The following CRB1 variants were observed in gnomAD, a reference collection of about 807,000 sequenced individuals.
CRB1 encodes crumbs cell polarity complex component 1.
Under a neutral mutation model 120.0 loss-of-function variants are expected in CRB1, and 83 were observed. That is an observed-to-expected ratio of 0.69 (90% CI 0.58 to 0.83). The LOEUF is 0.83. Among genes scored for constraint, CRB1 ranks in the 40% least tolerant of loss-of-function variants. The probability of loss-of-function intolerance (pLI) is 0.00; values close to 1 mark genes in which losing one functional copy is unlikely to be tolerated. For missense variants in CRB1, 1,699 were observed against 1,687.6 expected (o/e 1.01, Z -0.12); for synonymous variants, 625 against 612.5 (o/e 1.02, Z -0.30).
the CRB1 span, among the ~76,000 whole-genome samples, chr1:197,232,568 A>G: frequency 6.6e-6 from 1 of 152,172 alleles, no homozygotes; most frequent in African/African-American, 2.4e-5. Flanking sequence ...CAGTCTATAC[A>G]ATGAAAAGAA....
intron 5 of CRB1, among the ~76,000 whole-genome samples, chr1:197,365,376 G>A (rs562641691): frequency 1.3e-5 from 2 of 152,128 alleles, no homozygotes; most frequent in African/African-American, 4.8e-5. Flanking sequence ...CCACTCACAG[G>A]GTATCTCTTG....
chr1:197,375,097 C>G (rs1278480311), intron 5 of CRB1, among the ~76,000 whole-genome samples: 1 of 152,158 alleles, frequency 6.6e-6, no homozygotes, highest in Non-Finnish European at 1.5e-5. Context: ...AAAGACATGT[C>G]TCTTTCAGGA....
intron 2 of CRB1, among the ~76,000 whole-genome samples, chr1:197,343,495 A>G (rs1301206273): frequency 6.6e-6 from 1 of 151,928 alleles, no homozygotes; most frequent in Admixed American, 6.6e-5. Context: ...TTTTTAACAT[A>G]ACATTACCTT....
chr1:197,478,340 A>G lies in CRB1; in HGVS notation c.*461A>G, dbSNP rs1571646939. Reference sequence around the variant, plus strand: ...ATCATGTGGTCAAAGTTATTGTTGTATACCAGCGATGGGATGTATACTTTT... The same window carrying G: ...ATCATGTGGTCAAAGTTATTGTTGTGTACCAGCGATGGGATGTATACTTTT... On this transcript the variant is annotated 3_prime_UTR_variant, in exon 12 of 12. Transcript: ENST00000367400. 4.5e-6 allele frequency: 1 copy of G among 221,020 alleles called. No homozygotes were observed. The highest frequency in any genetic ancestry group is 1.1e-4 in the East Asian group (1 of 8,880). The allele number at this position is 221,020 out of a possible 1,614,324, so 13.7% of individuals were successfully genotyped here.
At chr1:197,214,258 C>G in the CRB1 span, among the ~76,000 whole-genome samples, 5 of 152,094 alleles carry the variant, frequency 3.3e-5, no homozygotes, top group South Asian at 1.0e-3. Flanking sequence ...CTACAGTTGA[C>G]CCTTAAACAA....
chr1:197,251,263 C>A, the CRB1 span, among the ~76,000 whole-genome samples: 15 of 151,928 alleles, frequency 9.9e-5, no homozygotes, highest in Non-Finnish European at 1.8e-4. Flanking sequence ...ATATAAAATA[C>A]TTAAAGCAAT....
chr1:197,322,805 C>T (rs1361552338), intron 1 of CRB1, among the ~76,000 whole-genome samples: 2 of 152,128 alleles, frequency 1.3e-5, no homozygotes, highest in Non-Finnish European at 2.9e-5. Flanking sequence ...TTAGAAAATG[C>T]TGATCTAGAT....
the CRB1 span, among the ~76,000 whole-genome samples, chr1:197,243,436 C>A: frequency 6.6e-6 from 1 of 152,084 alleles, no homozygotes; most frequent in Non-Finnish European, 1.5e-5. Context: ...TCATTATTTA[C>A]CCAGTAGTCA....
intron 1 of CRB1, among the ~76,000 whole-genome samples, chr1:197,293,835 G>T (rs982504586): frequency 6.6e-6 from 1 of 152,130 alleles, no homozygotes; most frequent in Non-Finnish European, 1.5e-5. Flanking sequence ...TTTCACAAAT[G>T]GTGCTGGAAA....
At chr1:197,262,557 C>T in the CRB1 span, among the ~76,000 whole-genome samples, 1 of 151,700 alleles carries the variant, frequency 6.6e-6, no homozygotes, top group Non-Finnish European at 1.5e-5. Flanking sequence ...TTTTAGATAC[C>T]GGGGGTAGAT....
At chr1:197,277,255 C>G (rs1179393622) in intron 1 of CRB1, among the ~76,000 whole-genome samples, 1 of 151,960 alleles carries the variant, frequency 6.6e-6, no homozygotes, top group Non-Finnish European at 1.5e-5. Context: ...CCTAGATTAA[C>G]CGCATTGTGT....
At chr1:197,299,632 A>G (rs1016703577) in intron 1 of CRB1, among the ~76,000 whole-genome samples, 1 of 152,148 alleles carries the variant, frequency 6.6e-6, no homozygotes, top group African/African-American at 2.4e-5. Flanking sequence ...AAAGGAAAAA[A>G]AAAACTGTAG....
chr1:197,407,637 C>T (rs781645681), intron 5 of CRB1, among the ~76,000 whole-genome samples: 5 of 152,138 alleles, frequency 3.3e-5, no homozygotes, highest in Non-Finnish European at 5.9e-5. Flanking sequence ...AAAAATGCAG[C>T]TATCTGAGCC....
At chr1:197,401,615 A>G (rs1663067470) in intron 5 of CRB1, among the ~76,000 whole-genome samples, 1 of 152,154 alleles carries the variant, frequency 6.6e-6, no homozygotes, top group African/African-American at 2.4e-5. Flanking sequence ...CATACTTTCA[A>G]ATTGAACTGG....
chr1:197,444,895 C>G (rs1019743583), intron 11 of CRB1: 4 of 84,110 alleles, frequency 4.8e-5, no homozygotes, highest in African/African-American at 1.1e-4. Context: ...AAAATTTCCA[C>G]CAGCCATGCA....
intron 5 of CRB1, among the ~76,000 whole-genome samples, chr1:197,389,309 A>G (rs1378641352): frequency 6.6e-6 from 1 of 152,184 alleles, no homozygotes; most frequent in African/African-American, 2.4e-5. Flanking sequence ...TATATATGGT[A>G]TGAATACTAT....
chr1:197,388,000 C>CTATA (rs919936121), intron 5 of CRB1, among the ~76,000 whole-genome samples: 1 of 151,042 alleles, frequency 6.6e-6, no homozygotes, highest in African/African-American at 2.4e-5. Context: ...CTCTCTCTCT[C>CTATA]TATATATATA....
chr1:197,437,724 A>G (rs1665231167), intron 9 of CRB1, among the ~76,000 whole-genome samples: 2 of 152,158 alleles, frequency 1.3e-5, no homozygotes, highest in Admixed American at 1.3e-4. Flanking sequence ...GTCTATCCAC[A>G]TTAGCTGCAG....
rs780792667 is a variant in CRB1, at chr1:197,347,380, C to A, written c.889C>A (p.His297Asn). The A allele has an allele frequency of 1.2e-6, 2 of 1,613,954 alleles. No individual in the cohort carries two copies. The highest frequency in any genetic ancestry group is 2.2e-5 in the South Asian group (2 of 91,074). ...CACGGGTAGTGGATTCACAGGGACA[C>A]ACTGTGAGACCTTGATGCCTCTTTG... ...NCTGSGFTGT[H>N]CETLMPLCWS... Residue 297 changes from histidine to asparagine, a missense_variant, in exon 4 of 12, where the codon CAC becomes AAC. His to Asn is a moderately conservative substitution (Grantham distance 68). Coordinates refer to ENST00000367400, the MANE Select transcript of CRB1 (RefSeq NM_201253.3).
Sources: allele counts gnomAD v4.1 joint callset (sites outside exome capture counted in the v4.1 genomes callset), GRCh38; gene constraint gnomAD v4.1.1; transcripts MANE v1.5; gene names NCBI Gene and HGNC (gene_info 2026-07-23, HGNC 2026-07-21).